PARD3: variants seen among roughly 807,000 people sequenced by gnomAD.
PARD3 encodes partitioning defective 3 homolog.
In PARD3, 75 loss-of-function variants were observed where a neutral mutation model predicts 155.4. The observed-to-expected ratio is 0.48, with a 90% CI of 0.40 to 0.58. The LOEUF is 0.58. Among genes scored for constraint, PARD3 ranks in the 20% least tolerant of loss-of-function variants. The probability of loss-of-function intolerance (pLI) is 0.00; values close to 1 mark genes in which losing one functional copy is unlikely to be tolerated. For missense variants in PARD3, 1,642 were observed against 1,721.7 expected, an observed-to-expected ratio of 0.95 and a Z score of 0.82; for synonymous variants, 576 against 610.5, an observed-to-expected ratio of 0.94 and a Z score of 0.83.
intron 2 of PARD3, among the ~76,000 whole-genome samples, chr10:34,544,065 C>T (rs759770437): frequency 7.2e-5 from 11 of 152,040 alleles, no homozygotes; most frequent in Non-Finnish European, 1.2e-4. Context: ...AAAATCATGA[C>T]GTTAAAAGGA....
chr10:34,592,765 A>G (rs1256288195), intron 2 of PARD3, among the ~76,000 whole-genome samples: 1 of 152,120 alleles, frequency 6.6e-6, no homozygotes, highest in Non-Finnish European at 1.5e-5. Context: ...ACAGAGCAAT[A>G]CTCTGTCTCA....
In PARD3 at chr10:34,815,140, C is replaced by T; in HGVS notation, c.-145G>A. The T allele has an allele frequency of 4.4e-6, 1 of 228,536 alleles. No homozygotes were observed. Among genetic ancestry groups the T allele is most frequent in the East Asian group, 1.7e-4 (1 of 5,878 alleles). The allele number at this position is 228,536 out of a possible 1,614,324, so 14.2% of individuals were successfully genotyped here. A position where few individuals can be genotyped will look rare whatever the true frequency, so the allele number is the denominator to read the frequency against. On this transcript the variant is annotated 5_prime_UTR_variant, in exon 1 of 25. Coordinates refer to ENST00000374788, the MANE Select transcript of PARD3 (RefSeq NM_001184785.2). ...GGGGCGCGGGCAGGCGGCGGCGACG[C>T]CGGGGGGCCGCTCAGCTCGCATGCC... is the stretch of plus-strand genomic sequence containing the variant.
At chr10:34,814,828 G>A in intron 1 of PARD3, 48 bp downstream of exon 1, 1 of 1,258,934 alleles carries the variant, frequency 7.9e-7, no homozygotes, top group South Asian at 1.3e-5. Context: ...TGATCCCGGC[G>A]CCGTCCCCGC....
chr10:34,548,332 C>A (rs1423483528), intron 2 of PARD3, among the ~76,000 whole-genome samples: 1 of 151,564 alleles, frequency 6.6e-6, no homozygotes. Context: ...CTACTAAAAA[C>A]ACACACACAC....
At chr10:34,505,350 G>A (rs1012998326) in intron 3 of PARD3, among the ~76,000 whole-genome samples, 6 of 152,182 alleles carry the variant, frequency 3.9e-5, no homozygotes, top group African/African-American at 1.4e-4. Context: ...ATAGTCAAGG[G>A]TAAAAGGAAG....
chr10:34,312,451 T>C, intron 20 of PARD3: 2 of 1,515,392 alleles, frequency 1.3e-6, no homozygotes, highest in South Asian at 2.3e-5. Context: ...TCTGTGTTTG[T>C]TCTTTTCTCA....
chr10:34,525,572 T>C (rs1277252575), intron 2 of PARD3, among the ~76,000 whole-genome samples: 2 of 152,186 alleles, frequency 1.3e-5, no homozygotes, highest in African/African-American at 4.8e-5. Context: ...GTCAACAGCA[T>C]AGTGTTCTAA....
chr10:34,634,431 G>A lies in PARD3; in HGVS notation c.222+61887C>T, dbSNP rs371985886. Among the ~76,000 whole-genome samples the A allele has an allele frequency of 6.0e-4, 92 of 152,272 alleles. 1 individual carries two copies. In the South Asian group the frequency reaches 0.018, roughly 30 times the overall value. ...ATGTTTTCCCTCCAGGGGAGGGAAGGAATGTGGTATTCAGGACATTTTTAT... is the reference window on the plus strand; with the variant it reads ...ATGTTTTCCCTCCAGGGGAGGGAAGAAATGTGGTATTCAGGACATTTTTAT... On this transcript the variant is annotated intron_variant, in intron 2 of 24. Coordinates refer to ENST00000374788, the MANE Select transcript of PARD3 (RefSeq NM_001184785.2).
intron 3 of PARD3, among the ~76,000 whole-genome samples, chr10:34,476,816 C>T (rs961953201): frequency 6.6e-6 from 1 of 152,210 alleles, no homozygotes; most frequent in African/African-American, 2.4e-5. Context: ...GTACGACAAG[C>T]AACACAGAGT....
chr10:34,735,440 C>A (rs1210721198), intron 1 of PARD3, among the ~76,000 whole-genome samples: 1 of 152,174 alleles, frequency 6.6e-6, no homozygotes, highest in African/African-American at 2.4e-5. Context: ...AATTGAAATT[C>A]TGACTCAATC....
chr10:34,367,284 A>C (rs1320858613), intron 12 of PARD3, among the ~76,000 whole-genome samples: 3 of 152,238 alleles, frequency 2.0e-5, no homozygotes, highest in African/African-American at 7.2e-5. Context: ...AACAGGACCA[A>C]ATTCTATTCA....
chr10:34,726,826 GC>G (rs1222857545), intron 1 of PARD3, among the ~76,000 whole-genome samples: 9 of 152,006 alleles, frequency 5.9e-5, no homozygotes, highest in Non-Finnish European at 7.4e-5. Flanking sequence ...ATAAGGAAAG[GC>G]CAGCATTACA....
At chr10:34,418,820 G>C (rs576174823) in intron 5 of PARD3, among the ~76,000 whole-genome samples, 1 of 152,202 alleles carries the variant, frequency 6.6e-6, no homozygotes, top group East Asian at 1.9e-4. Context: ...ACTCAGACTG[G>C]AGTGCAGTGG....
intron 2 of PARD3, among the ~76,000 whole-genome samples, chr10:34,526,918 A>C (rs1443964424): frequency 6.6e-6 from 1 of 152,210 alleles, no homozygotes; most frequent in Non-Finnish European, 1.5e-5. Flanking sequence ...TCCTTAACGC[A>C]TCACTCATTC....
intron 1 of PARD3, among the ~76,000 whole-genome samples, chr10:34,697,542 T>G (rs2094197331): frequency 6.6e-6 from 1 of 152,148 alleles, no homozygotes; most frequent in Admixed American, 6.5e-5. Flanking sequence ...AAAGCATGCC[T>G]AAGTATCACT....
Position 34,489,813 on chromosome 10 carries a change from T to A in PARD3, c.404-19550A>T, listed in dbSNP as rs2079766628. On this transcript the variant is annotated intron_variant, in intron 3 of 24. Transcript: ENST00000374788. ...GTTATGTATATGCTAAGAACCTTAA[T>A]GTCATGACTGATCAAATCCTCAGAA... is the stretch of plus-strand genomic sequence containing the variant. 2.0e-5 allele frequency among the ~76,000 whole-genome samples: 3 copies of A among 152,364 alleles called. No individual in the cohort carries two copies. The South Asian group carries it at 6.2e-4, about 32-fold the overall frequency.
At chr10:34,367,955 T>C (rs1176493820) in intron 12 of PARD3, among the ~76,000 whole-genome samples, 1 of 151,812 alleles carries the variant, frequency 6.6e-6, no homozygotes, top group East Asian at 2.0e-4. Context: ...TTTGAATTCT[T>C]GAAAGTTAAG....
chr10:34,411,459 T>C, intron 5 of PARD3, among the ~76,000 whole-genome samples: 1 of 151,148 alleles, frequency 6.6e-6, no homozygotes, highest in East Asian at 1.9e-4. Flanking sequence ...ATCCAATCAT[T>C]TGGAGACCTG....
intron 2 of PARD3, among the ~76,000 whole-genome samples, chr10:34,684,866 TATACACACAC>T (rs1229902322): frequency 1.4e-4 from 14 of 103,542 alleles, no homozygotes; most frequent in African/African-American, 4.9e-4. Context: ...CATGTATATA[TATACACACAC>T]ATACACACAC....
Sources: gnomAD v4.1 joint callset for allele counts (sites outside exome capture counted in the v4.1 genomes callset) on GRCh38, gnomAD v4.1.1 for gene constraint, MANE v1.5 for transcripts, NCBI Gene and HGNC (gene_info 2026-07-23, HGNC 2026-07-21) for gene names.